NECTIN3: variants seen among roughly 807,000 people sequenced by gnomAD.
NECTIN3 encodes nectin-3.
In NECTIN3, 8 loss-of-function variants were observed where a neutral mutation model predicts 49.4. The observed-to-expected ratio is 0.16, with a 90% confidence interval of 0.10 to 0.29. The LOEUF is 0.29. NECTIN3 is among the 10% of genes least tolerant of loss of function. The probability of loss-of-function intolerance (pLI) is 1.00; values close to 1 mark genes in which losing one functional copy is unlikely to be tolerated. For missense variants in NECTIN3, 581 were observed against 654.6 expected (o/e 0.89, Z 1.23); for synonymous variants, 277 against 241.1 (o/e 1.15, Z -1.38).
chr3:111,128,290 T>A (rs947206751), intron 5 of NECTIN3, among the ~76,000 whole-genome samples: 29 of 149,418 alleles, frequency 1.9e-4, no homozygotes, highest in African/African-American at 6.7e-4. Context: ...TGAGCCCAGA[T>A]CGTGCCATGG....
chr3:111,192,328 C>T, upstream of NECTIN3: 1 of 1,531,602 alleles, frequency 6.5e-7, no homozygotes, highest in Non-Finnish European at 8.7e-7. Context: ...TTACAGTGCA[C>T]ATCTTTTTGT....
Position 111,071,988 on chromosome 3 carries a change from C to A in NECTIN3, c.-30C>A, listed in dbSNP as rs1197021621. ...GGGGCCGGGGGAGCCGGGGGGCGGG[C>A]GGGCGAGCGGGCCGGGGGGAGGGTG... is the stretch of plus-strand genomic sequence containing the variant. On this transcript the variant is annotated 5_prime_UTR_variant, in exon 1 of 6. Transcript: ENST00000485303. 3.7e-6 allele frequency: 4 copies of A among 1,086,630 alleles called. No homozygotes were observed. The African/African-American group carries it at 7.0e-5, about 19-fold the overall frequency. The allele number at this position is 1,086,630 out of a possible 1,614,324, so 67.3% of individuals were successfully genotyped here.
intron 7 of NECTIN3, among the ~76,000 whole-genome samples, chr3:111,164,431 A>G (rs1345561974): frequency 6.6e-6 from 1 of 152,130 alleles, no homozygotes; most frequent in Non-Finnish European, 1.5e-5. Context: ...TCATATTACT[A>G]CCATTAGCAA....
intron 6 of NECTIN3, among the ~76,000 whole-genome samples, chr3:111,146,773 A>C (rs1045957803): frequency 6.6e-6 from 1 of 152,178 alleles, no homozygotes; most frequent in Non-Finnish European, 1.5e-5. Context: ...AAATGCAGAG[A>C]GCTATAAGGT....
At position 111,112,158 on chromosome 3, in the gene NECTIN3, A is replaced by G; in HGVS notation, c.289A>G (p.Lys97Glu). 7 of 1,613,944 alleles carry G rather than the reference A, an allele frequency of 4.3e-6. No homozygotes were observed. Among genetic ancestry groups the G allele is most frequent in the Non-Finnish European group, 5.9e-6 (7 of 1,179,918 alleles). The change falls in exon 2 of 6, where the codon AAA (lysine) becomes GAA (glutamate). Residue 97 changes from lysine to glutamate, a missense_variant. Coordinates refer to ENST00000485303, the MANE Select transcript of NECTIN3 (RefSeq NM_015480.3). ...TQISWEKIHG[K>E]SSQTVAVHHP... ...GATTTCATGGGAGAAGATACATGGC[A>G]AAAGTTCACAGACTGTTGCAGTTCA...
chr3:111,181,099 TCAGTATCAC>T lies in NECTIN3; in HGVS notation c.1222-11249_1222-11241del, dbSNP rs1371130315. Among the ~76,000 whole-genome samples, 4 of 152,140 alleles carry T rather than the reference TCAGTATCAC, an allele frequency of 2.6e-5. No homozygotes were observed. In the East Asian group the frequency reaches 7.7e-4, roughly 29 times the overall value. On this transcript the variant is annotated intron_variant, in intron 7 of 8. Coordinates refer to the NECTIN3 transcript ENST00000493615. Reference sequence around the variant, plus strand: ...AATTTCTCATGTATACCCTCCACCATCAGTATCACCACTACCACCACCATCATCCCACAC... The same window carrying T: ...AATTTCTCATGTATACCCTCCACCATCACTACCACCACCATCATCCCACAC...
chr3:111,110,765 G>T (rs941510628), intron 1 of NECTIN3, among the ~76,000 whole-genome samples: 2 of 152,152 alleles, frequency 1.3e-5, no homozygotes, highest in Admixed American at 6.5e-5. Flanking sequence ...ATTCGTAGCT[G>T]TTAAGTGTAG....
chr3:111,187,830 A>G (rs1331665638), upstream of NECTIN3, among the ~76,000 whole-genome samples: 1 of 152,212 alleles, frequency 6.6e-6, no homozygotes, highest in African/African-American at 2.4e-5. Context: ...TTTTCAGGCC[A>G]GTTAAATTAT....
At chr3:111,094,739 G>C (rs1241573543) in intron 1 of NECTIN3, among the ~76,000 whole-genome samples, 2 of 152,194 alleles carry the variant, frequency 1.3e-5, no homozygotes, top group Admixed American at 6.5e-5. Context: ...AAGCTCATTA[G>C]AGACTAGTGA....
rs568959761 is a variant in NECTIN3, at chr3:111,111,958, G to T, written c.161-72G>T. The T allele has an allele frequency of 3.5e-4, 315 of 890,940 alleles. 1 individual carries two copies. Among genetic ancestry groups the T allele is most frequent in the Middle Eastern group, 1.4e-3 (6 of 4,350 alleles). 55.2% of individuals were successfully genotyped at this position (890,940 alleles called of 1,614,324 possible). ...GTAGCTAGAGATAGTTACACAGGGG[G>T]TCAGGAAGGGAGGAGAGTGTTGACC... On this transcript the variant is annotated intron_variant, in intron 1 of 5. Transcript: ENST00000485303.
At chr3:111,163,142 A>C (rs2035248790) in intron 7 of NECTIN3, among the ~76,000 whole-genome samples, 1 of 152,250 alleles carries the variant, frequency 6.6e-6, no homozygotes. Flanking sequence ...AAACACAAAC[A>C]GATGGGGGCT....
Position 111,133,752 on chromosome 3 carries a change from C to T in NECTIN3, c.1187C>T (p.Thr396Ile), listed in dbSNP as rs1352477370. 1.3e-5 allele frequency: 21 copies of T among 1,613,850 alleles called. No individual in the cohort carries two copies. The highest frequency in any genetic ancestry group is 1.5e-5 in the Non-Finnish European group (18 of 1,179,892). ...KLPFPLSTLATIKDDTIATII... is the reference protein window; with the variant it reads ...KLPFPLSTLAIIKDDTIATII... ...CCCTTCCCATTGTCAACTTTGGCAA[C>T]AATTAAGGATGACACAATTGCCACG... The change falls in exon 6 of 6, where the codon ACA becomes ATA. Residue 396 changes from threonine to isoleucine, a missense_variant. By Grantham distance (89) the Thr-to-Ile change is moderately conservative. This residue lies in a region of NECTIN3 where 238 missense variants were observed against 244.9 expected (regional missense o/e 0.97). Coordinates refer to ENST00000485303, the MANE Select transcript of NECTIN3 (RefSeq NM_015480.3).
intron 7 of NECTIN3, among the ~76,000 whole-genome samples, chr3:111,169,361 A>C (rs2035390165): frequency 7.0e-6 from 1 of 143,426 alleles, no homozygotes; most frequent in African/African-American, 2.6e-5. Flanking sequence ...AAGTGCTGGG[A>C]TTACAAACGC....
At chr3:111,159,964 T>G (rs749433468) in intron 7 of NECTIN3, among the ~76,000 whole-genome samples, 1 of 152,214 alleles carries the variant, frequency 6.6e-6, no homozygotes, top group African/African-American at 2.4e-5. Flanking sequence ...ATATTTAAAG[T>G]TCTCTGACTT....
intron 1 of NECTIN3, among the ~76,000 whole-genome samples, chr3:111,093,970 TCTA>T (rs1294628292): frequency 1.3e-5 from 2 of 152,194 alleles, no homozygotes; most frequent in African/African-American, 2.4e-5. Flanking sequence ...TAGATGCTGA[TCTA>T]CTGCTTTAGA....
At chr3:111,107,826 T>A (rs936320310) in intron 1 of NECTIN3, among the ~76,000 whole-genome samples, 14 of 152,232 alleles carry the variant, frequency 9.2e-5, no homozygotes, top group African/African-American at 3.4e-4. Context: ...TGGGGGAAAA[T>A]CTTATTCAGA....
intron 1 of NECTIN3, among the ~76,000 whole-genome samples, chr3:111,095,212 A>T (rs1030509322): frequency 3.9e-5 from 6 of 152,204 alleles, no homozygotes; most frequent in African/African-American, 1.2e-4. Flanking sequence ...CAGACCACCT[A>T]TATCTATTTT....
chr3:111,076,971 G>A (rs1166424781), intron 1 of NECTIN3, among the ~76,000 whole-genome samples: 8 of 142,110 alleles, frequency 5.6e-5, no homozygotes, highest in Non-Finnish European at 6.1e-5. Context: ...GCAAGACTCC[G>A]TCTCAAAAAA....
intron 7 of NECTIN3, among the ~76,000 whole-genome samples, chr3:111,147,734 C>T (rs1023215911): frequency 6.6e-6 from 1 of 151,994 alleles, no homozygotes; most frequent in Admixed American, 6.6e-5. Context: ...AAGTTATGGC[C>T]AGTATAGATA....
Sources: gnomAD v4.1 joint callset for allele counts (sites outside exome capture counted in the v4.1 genomes callset) on GRCh38, gnomAD v4.1.1 for gene constraint, gnomAD v4.1.1 regional missense constraint, MANE v1.5 for transcripts, NCBI Gene and HGNC (gene_info 2026-07-23, HGNC 2026-07-21) for gene names.